The following MGAT4C variants were observed in gnomAD, a reference collection of about 807,000 sequenced individuals.
MGAT4C encodes alpha-1,3-mannosyl-glycoprotein 4-beta-N-acetylglucosaminyltransferase C.
Under a neutral mutation model 40.1 loss-of-function variants are expected in MGAT4C, and 19 were observed. That is an observed-to-expected ratio of 0.47 (90% CI 0.33 to 0.70). MGAT4C has a LOEUF of 0.70. Ranked by LOEUF, MGAT4C falls within the 30% of genes least tolerant of loss-of-function variation. The pLI is 0.02. For missense variants in MGAT4C, 491 were observed against 563.2 expected (o/e 0.87, Z 1.30); for synonymous variants, 181 against 187.1 (o/e 0.97, Z 0.27).
chr12:86,745,855 G>A (rs560332887), intron 1 of MGAT4C, among the ~76,000 whole-genome samples: 4 of 151,656 alleles, frequency 2.6e-5, no homozygotes, highest in Non-Finnish European at 5.9e-5. Flanking sequence ...TCTTTCAGCT[G>A]TAGAAATAGA....
chr12:86,436,771 A>G lies in MGAT4C; in HGVS notation c.-228-1506T>C, dbSNP rs12319070. On this transcript the variant is annotated intron_variant, in intron 2 of 7. Transcript: ENST00000548651. Reference sequence around the variant, plus strand: ...GATTTCAATTGGAGAATAGGCATTTAGTGAATTATTGTAACATATTCGGAG... The same window carrying G: ...GATTTCAATTGGAGAATAGGCATTTGGTGAATTATTGTAACATATTCGGAG... Among the ~76,000 whole-genome samples, 1,103 of 151,874 alleles carry G rather than the reference A, an allele frequency of 7.3e-3. 16 individuals carry two copies. Among genetic ancestry groups the G allele is most frequent in the African/African-American group, 0.025 (1,059 of 41,530 alleles).
chr12:86,532,240 G>C (rs1460352938), intron 2 of MGAT4C, among the ~76,000 whole-genome samples: 1 of 151,886 alleles, frequency 6.6e-6, no homozygotes, highest in African/African-American at 2.4e-5. Flanking sequence ...ACAATCTGTG[G>C]ATTCATACAT....
intron 1 of MGAT4C, among the ~76,000 whole-genome samples, chr12:86,741,350 G>A (rs116009398): frequency 9.7e-4 from 146 of 151,140 alleles, no homozygotes; most frequent in African/African-American, 3.2e-3. Flanking sequence ...GTTATCAAAC[G>A]TAGAAATTGC....
chr12:86,700,267 G>T (rs1045355445), intron 2 of MGAT4C, among the ~76,000 whole-genome samples: 1 of 151,996 alleles, frequency 6.6e-6, no homozygotes, highest in South Asian at 2.1e-4. Context: ...AGGTCATCAA[G>T]CCATACATAT....
chr12:86,151,993 C>A (rs1036458710), intron 1 of MGAT4C, among the ~76,000 whole-genome samples: 1 of 152,196 alleles, frequency 6.6e-6, no homozygotes, highest in Non-Finnish European at 1.5e-5. Flanking sequence ...CACCTGACAC[C>A]ATGCTTACAT....
chr12:86,232,954 T>C (rs1951388380), intron 1 of MGAT4C, among the ~76,000 whole-genome samples: 1 of 152,214 alleles, frequency 6.6e-6, no homozygotes, highest in South Asian at 2.1e-4. Context: ...CAGCAGTCAG[T>C]AAATGGCATT....
chr12:86,690,993 C>G (rs930267386), intron 2 of MGAT4C, among the ~76,000 whole-genome samples: 2 of 152,152 alleles, frequency 1.3e-5, no homozygotes, highest in Admixed American at 1.3e-4. Context: ...AAACCTTGAT[C>G]TCATCAACTT....
At chr12:86,367,831 A>AAAC (rs1005921921) in intron 3 of MGAT4C, among the ~76,000 whole-genome samples, 1 of 144,602 alleles carries the variant, frequency 6.9e-6, no homozygotes, top group Admixed American at 7.0e-5. Flanking sequence ...AACAAACAAA[A>AAAC]AACAACAACA....
intron 1 of MGAT4C, among the ~76,000 whole-genome samples, chr12:86,171,279 G>T (rs1886808946): frequency 6.6e-6 from 1 of 152,138 alleles, no homozygotes; most frequent in South Asian, 2.1e-4. Flanking sequence ...TGAGGCAGGA[G>T]AATCGCTTGA....
At chr12:86,647,926 T>C (rs1475386941) in intron 2 of MGAT4C, among the ~76,000 whole-genome samples, 1 of 151,910 alleles carries the variant, frequency 6.6e-6, no homozygotes, top group African/African-American at 2.4e-5. Context: ...CGTTTGTTTG[T>C]TTAAATAAAC....
intron 1 of MGAT4C, among the ~76,000 whole-genome samples, chr12:86,178,127 A>T (rs56190288): frequency 6.6e-6 from 1 of 152,004 alleles, no homozygotes; most frequent in Non-Finnish European, 1.5e-5. Flanking sequence ...TGGTAGAGAC[A>T]GGGTTTCACC....
At chr12:86,487,350 T>C (rs1305054370) in intron 2 of MGAT4C, among the ~76,000 whole-genome samples, 1 of 152,198 alleles carries the variant, frequency 6.6e-6, no homozygotes, top group African/African-American at 2.4e-5. Flanking sequence ...GACTAAGCCC[T>C]GGAAATTGTT....
chr12:86,243,136 G>T (rs977800154), intron 1 of MGAT4C, among the ~76,000 whole-genome samples: 2 of 152,070 alleles, frequency 1.3e-5, no homozygotes, highest in African/African-American at 4.8e-5. Flanking sequence ...AGTACATGAG[G>T]GTACAGTTTC....
chr12:86,226,129 A>C (rs981356895), intron 1 of MGAT4C, among the ~76,000 whole-genome samples: 1 of 151,474 alleles, frequency 6.6e-6, no homozygotes, highest in Admixed American at 6.6e-5. Flanking sequence ...AAAAAAAAAA[A>C]CATGTGCAGT....
rs369332317 is a variant in MGAT4C at position 85,973,679 on chromosome 12, G to A, written c.*5610C>T. ...ATCATGCTATATTCTTAATTTAATT[G>A]TACTTCTATGGTCATATACAATTTA... On this transcript the variant is annotated 3_prime_UTR_variant, in exon 5 of 5. Coordinates refer to ENST00000611864, the MANE Select transcript of MGAT4C (RefSeq NM_001351288.2). 2 of 150,550 alleles carry A rather than the reference G, an allele frequency of 1.3e-5. No individual in the cohort carries two copies. Among genetic ancestry groups the A allele is most frequent in the African/African-American group, 4.9e-5 (2 of 41,186 alleles). The allele number at this position is 150,550 out of a possible 1,614,324, so 9.3% of individuals were successfully genotyped here.
chr12:86,719,354 C>T (rs1950701794), intron 2 of MGAT4C, among the ~76,000 whole-genome samples: 1 of 152,162 alleles, frequency 6.6e-6, no homozygotes, highest in African/African-American at 2.4e-5. Context: ...TCCTTCAGTG[C>T]TGTTTCTCTC....
intron 1 of MGAT4C, among the ~76,000 whole-genome samples, chr12:86,059,693 C>T (rs1053402693): frequency 6.6e-6 from 1 of 152,152 alleles, no homozygotes; most frequent in African/African-American, 2.4e-5. Flanking sequence ...TCTTTTAGCA[C>T]AACCACAGTG....
At chr12:86,119,764 A>G (rs896047733) in intron 1 of MGAT4C, among the ~76,000 whole-genome samples, 3 of 138,860 alleles carry the variant, frequency 2.2e-5, no homozygotes, top group African/African-American at 8.1e-5. Flanking sequence ...GAGTCTTGCT[A>G]TATTGCCACG....
At chr12:85,989,284 TG>T in intron 3 of MGAT4C, 115 bp downstream of exon 3, 1 of 851,046 alleles carries the variant, frequency 1.2e-6, no homozygotes, top group Non-Finnish European at 1.7e-6. Context: ...GTTATAATTT[TG>T]CTCAAACTAA....
Sources: allele counts gnomAD v4.1 joint callset (sites outside exome capture counted in the v4.1 genomes callset), GRCh38; gene constraint gnomAD v4.1.1; transcripts MANE v1.5; gene names NCBI Gene and HGNC (gene_info 2026-07-23, HGNC 2026-07-21).